Variants in CEP128 observed in about 807,000 individuals in gnomAD.
CEP128 encodes centrosomal protein 128kDa.
CEP128 carries 132 observed loss-of-function variants against 156.7 expected under a neutral mutation model. The observed-to-expected ratio is 0.84, with a 90% confidence interval of 0.73 to 0.97. CEP128 has a LOEUF of 0.97. CEP128 is among the 50% of genes least tolerant of loss of function. The pLI is 0.00. For synonymous variants in CEP128, 469 were observed against 448.9 expected (o/e 1.04, Z -0.57); for missense variants, 1,252 against 1,281.9 (o/e 0.98, Z 0.36).
chr14:80,750,284 TAAAG>T (rs1342869172), intron 18 of CEP128, among the ~76,000 whole-genome samples: 1 of 152,228 alleles, frequency 6.6e-6, no homozygotes, highest in Non-Finnish European at 1.5e-5. Context: ...TGGAAATGAA[TAAAG>T]AATGGACTGG....
chr14:80,792,699 A>G, intron 14 of CEP128, 61 bp downstream of exon 14: 1 of 1,364,194 alleles, frequency 7.3e-7, no homozygotes, highest in African/African-American at 1.4e-5. Context: ...TTTTCAAAGG[A>G]TAGATGAATG....
chr14:80,754,459 C>CTTTTTTTT (rs758603562), intron 18 of CEP128, among the ~76,000 whole-genome samples: 3 of 104,808 alleles, frequency 2.9e-5, no homozygotes, highest in Non-Finnish European at 3.9e-5. Context: ...ATGTCCTGTT[C>CTTTTTTTT]TTTTTTTTTT....
chr14:80,604,581 G>A (rs549813413), intron 19 of CEP128, among the ~76,000 whole-genome samples: 6 of 151,984 alleles, frequency 3.9e-5, no homozygotes, highest in African/African-American at 7.2e-5. Flanking sequence ...AACATTATTC[G>A]AATCTCAGCT....
chr14:80,800,572 A>T (rs1883782075), intron 13 of CEP128, among the ~76,000 whole-genome samples: 1 of 152,154 alleles, frequency 6.6e-6, no homozygotes, highest in Non-Finnish European at 1.5e-5. Flanking sequence ...TATTCAAATG[A>T]CCCCTTTAAT....
At position 80,895,795 on chromosome 14, in the gene CEP128, G is replaced by GAATAA; in HGVS notation, c.573-6_573-5insTTATT. 3.9e-5 allele frequency: 41 copies of GAATAA among 1,057,938 alleles called. No homozygotes were observed. Among genetic ancestry groups the GAATAA allele is most frequent in the Non-Finnish European group, 4.4e-5 (37 of 832,440 alleles). 65.5% of individuals were successfully genotyped at this position (1,057,938 alleles called of 1,614,324 possible). A position where few individuals can be genotyped will look rare whatever the true frequency, so the allele number is the denominator to read the frequency against. On this transcript the variant is annotated splice_region_variant and splice_polypyrimidine_tract_variant and intron_variant, in intron 7 of 24. Coordinates refer to ENST00000555265, the MANE Select transcript of CEP128 (RefSeq NM_152446.5). ...CTTTTTGTTTCGGCATCTGACCTAG[G>GAATAA]AAGAAAAAAAAAAAAAAGATTTAAA... is the stretch of plus-strand genomic sequence containing the variant.
At chr14:80,627,885 A>G (rs1893799233) in intron 19 of CEP128, among the ~76,000 whole-genome samples, 1 of 152,126 alleles carries the variant, frequency 6.6e-6, no homozygotes, top group African/African-American at 2.4e-5. Flanking sequence ...CTATAAAATG[A>G]AAGTCCCATA....
intron 19 of CEP128, among the ~76,000 whole-genome samples, chr14:80,597,890 T>C (rs1015180280): frequency 2.1e-5 from 3 of 144,312 alleles, no homozygotes; most frequent in African/African-American, 7.8e-5. Flanking sequence ...ACAAAATTCA[T>C]TGACCATTTA....
chr14:80,506,229 G>A (rs186988933), intron 23 of CEP128, among the ~76,000 whole-genome samples: 1 of 151,862 alleles, frequency 6.6e-6, no homozygotes, highest in Non-Finnish European at 1.5e-5. Flanking sequence ...GTGAGAAAGA[G>A]TTTGGTGTGT....
At chr14:80,815,440 A>C (rs1285115682) in intron 13 of CEP128, among the ~76,000 whole-genome samples, 2 of 152,214 alleles carry the variant, frequency 1.3e-5, no homozygotes, top group Non-Finnish European at 2.9e-5. Context: ...GTTGTGGAGG[A>C]AAAGGCAATG....
chr14:80,653,096 C>T (rs1462278206), intron 19 of CEP128, among the ~76,000 whole-genome samples: 1 of 152,038 alleles, frequency 6.6e-6, no homozygotes, highest in Admixed American at 6.6e-5. Flanking sequence ...GAACAGAAAA[C>T]CTAACATCAC....
chr14:80,946,953 A>G (rs1886359917), intron 2 of CEP128, among the ~76,000 whole-genome samples: 1 of 152,056 alleles, frequency 6.6e-6, no homozygotes, highest in South Asian at 2.1e-4. Flanking sequence ...CTGTTGTTTA[A>G]AAGTGTGAAG....
At chr14:80,513,222 G>A (rs1457169127) in intron 23 of CEP128, among the ~76,000 whole-genome samples, 2 of 152,048 alleles carry the variant, frequency 1.3e-5, no homozygotes, top group African/African-American at 2.4e-5. Flanking sequence ...CTTCACATGT[G>A]AAGGATATTT....
intron 23 of CEP128, chr14:80,514,716 T>G: frequency 2.6e-6 from 1 of 385,868 alleles, no homozygotes; most frequent in South Asian, 2.0e-5. Flanking sequence ...AGTATCAGTC[T>G]CTGGTGTGTT....
chr14:80,501,617 G>T (rs1203884140), intron 24 of CEP128, among the ~76,000 whole-genome samples: 1 of 151,790 alleles, frequency 6.6e-6, no homozygotes. Flanking sequence ...CGATTCTTTT[G>T]CCTCAGCCTC....
intron 21 of CEP128, among the ~76,000 whole-genome samples, chr14:80,533,847 C>A (rs950057179): frequency 6.6e-6 from 1 of 152,060 alleles, no homozygotes; most frequent in Non-Finnish European, 1.5e-5. Flanking sequence ...CAATTAACAA[C>A]AAATATGTAT....
chr14:80,563,898 T>C (rs1277166414), intron 20 of CEP128, among the ~76,000 whole-genome samples: 1 of 152,112 alleles, frequency 6.6e-6, no homozygotes, highest in Non-Finnish European at 1.5e-5. Flanking sequence ...AAAAATAAAT[T>C]ATTGTATTAC....
intron 9 of CEP128, among the ~76,000 whole-genome samples, chr14:80,853,735 T>C (rs1191604440): frequency 1.3e-5 from 2 of 151,962 alleles, no homozygotes; most frequent in East Asian, 3.9e-4. Context: ...TTCATTATCA[T>C]TTACCAAAAG....
At chr14:80,693,072 C>A (rs1896771137) in intron 19 of CEP128, among the ~76,000 whole-genome samples, 1 of 152,130 alleles carries the variant, frequency 6.6e-6, no homozygotes, top group Non-Finnish European at 1.5e-5. Flanking sequence ...GCTACTGGCC[C>A]ATGGACCACA....
At chr14:80,591,555 T>C (rs1039383732) in intron 19 of CEP128, among the ~76,000 whole-genome samples, 5 of 152,242 alleles carry the variant, frequency 3.3e-5, no homozygotes, top group African/African-American at 9.6e-5. Flanking sequence ...ACAACAATAG[T>C]GGGAGACTTT....
Sources: allele counts gnomAD v4.1 joint callset (sites outside exome capture counted in the v4.1 genomes callset), GRCh38; gene constraint gnomAD v4.1.1; transcripts MANE v1.5; gene names NCBI Gene and HGNC (gene_info 2026-07-23, HGNC 2026-07-21).